BIRC6: variants seen among roughly 807,000 people sequenced by gnomAD.
BIRC6 encodes baculoviral IAP repeat containing 6, also known as dual E2 ubiquitin-conjugating enzyme/E3 ubiquitin-protein ligase BIRC6.
Under a neutral mutation model 503.3 loss-of-function variants are expected in BIRC6, and 98 were observed. That is an observed-to-expected ratio of 0.19 (90% CI 0.17 to 0.23). BIRC6 has a LOEUF of 0.23. BIRC6 is among the 10% of genes least tolerant of loss of function. The pLI is 1.00. For synonymous variants in BIRC6, 2,240 were observed against 2,078.7 expected, an observed-to-expected ratio of 1.08 and a Z score of -2.11; for missense variants, 5,360 against 5,806.0, an observed-to-expected ratio of 0.92 and a Z score of 2.50.
intron 8 of BIRC6, among the ~76,000 whole-genome samples, chr2:32,403,576 A>T (rs1051190299): frequency 1.3e-5 from 2 of 152,190 alleles, no homozygotes; most frequent in Non-Finnish European, 2.9e-5. Flanking sequence ...TATCAGGTCA[A>T]GTTGGTAAAA....
intron 4 of BIRC6, among the ~76,000 whole-genome samples, chr2:32,389,531 T>C (rs1420796215): frequency 6.6e-6 from 1 of 152,218 alleles, no homozygotes; most frequent in African/African-American, 2.4e-5. Context: ...CTATTTTGTT[T>C]AATTAATTAA....
intron 20 of BIRC6, among the ~76,000 whole-genome samples, chr2:32,445,098 C>G (rs1018879410): frequency 4.6e-5 from 7 of 152,186 alleles, no homozygotes; most frequent in African/African-American, 1.7e-4. Flanking sequence ...TTGAAGCTCA[C>G]TGCCATCCAC....
At chr2:32,494,041 T>C (rs989845041) in intron 45 of BIRC6, among the ~76,000 whole-genome samples, 3 of 152,116 alleles carry the variant, frequency 2.0e-5, no homozygotes, top group African/African-American at 7.2e-5. Context: ...TAAAAGAAAA[T>C]TGTATACTAA....
intron 8 of BIRC6, among the ~76,000 whole-genome samples, chr2:32,403,973 G>A (rs550029293): frequency 6.7e-5 from 10 of 149,986 alleles, no homozygotes; most frequent in African/African-American, 2.0e-4. Flanking sequence ...TGTCGCCCAG[G>A]TTAGAGTGCA....
At chr2:32,543,092 G>C in intron 61 of BIRC6, 149 bp from the exon 62 acceptor site, 1 of 917,396 alleles carries the variant, frequency 1.1e-6, no homozygotes, top group Non-Finnish European at 1.6e-6. Flanking sequence ...GAGCCACTGC[G>C]CCCGGCTGGA....
chr2:32,477,735 CAAAAAA>C (rs35168398), intron 35 of BIRC6, among the ~76,000 whole-genome samples, 152 bp downstream of exon 35: 1 of 108,652 alleles, frequency 9.2e-6, no homozygotes, highest in Admixed American at 1.0e-4. Flanking sequence ...CCCGTCTCTA[CAAAAAA>C]AAAAAAAAAA....
At chr2:32,369,945 AATATATATATATATATATATATATAT>A (rs67839399) in intron 1 of BIRC6, among the ~76,000 whole-genome samples, 4 of 44,220 alleles carry the variant, frequency 9.0e-5, no homozygotes, top group Admixed American at 3.2e-4. Context: ...AAAAAAAAAA[AATATATATATATATATATATATATAT>A]ATATATATAT....
At chr2:32,384,505 A>G (rs2038161176) in intron 3 of BIRC6, among the ~76,000 whole-genome samples, 1 of 152,202 alleles carries the variant, frequency 6.6e-6, no homozygotes, top group Non-Finnish European at 1.5e-5. Context: ...TATGGACAGA[A>G]CAGGTAAATG....
intron 43 of BIRC6, among the ~76,000 whole-genome samples, chr2:32,490,732 CT>C (rs1276889633): frequency 2.0e-5 from 3 of 152,074 alleles, no homozygotes; most frequent in East Asian, 1.9e-4. Context: ...TACATTTCAT[CT>C]AAGTTTTTAT....
At chr2:32,422,726 T>C (rs1640651332) in intron 10 of BIRC6, among the ~76,000 whole-genome samples, 2 of 152,232 alleles carry the variant, frequency 1.3e-5, no homozygotes, top group Non-Finnish European at 2.9e-5. Flanking sequence ...TTTGGGGGAC[T>C]TGATTTTCCT....
chr2:32,388,113 G>T (rs983624985), intron 3 of BIRC6, among the ~76,000 whole-genome samples: 2 of 151,984 alleles, frequency 1.3e-5, no homozygotes, highest in East Asian at 1.9e-4. Flanking sequence ...TGGGCCAGGC[G>T]CAGTGGCTCA....
At chr2:32,598,797 C>T (rs2061847758) in intron 69 of BIRC6, among the ~76,000 whole-genome samples, 1 of 151,700 alleles carries the variant, frequency 6.6e-6, no homozygotes, top group African/African-American at 2.4e-5. Context: ...CTGAGGTAGG[C>T]AGATCACTTG....
intron 3 of BIRC6, among the ~76,000 whole-genome samples, chr2:32,388,157 C>T (rs975381148): frequency 4.6e-5 from 7 of 151,774 alleles, no homozygotes; most frequent in South Asian, 2.1e-4. Flanking sequence ...GAGGCAGAGG[C>T]GGACAGATCA....
intron 20 of BIRC6, 132 bp from the exon 21 acceptor site, chr2:32,445,387 TAA>T: frequency 1.1e-6 from 1 of 909,976 alleles, no homozygotes; most frequent in East Asian, 2.9e-5. Context: ...AAATTGCCTA[TAA>T]GATTGTCTTT....
At chr2:32,487,889 T>A (rs1315202374) in intron 41 of BIRC6, 88 bp downstream of exon 41, 6 of 1,085,112 alleles carry the variant, frequency 5.5e-6, no homozygotes, top group Non-Finnish European at 6.7e-6. Context: ...ATTCTAATCC[T>A]GTCAGGGATG....
At chr2:32,568,592 T>A (rs1244713773) in intron 65 of BIRC6, among the ~76,000 whole-genome samples, 1 of 151,904 alleles carries the variant, frequency 6.6e-6, no homozygotes, top group African/African-American at 2.4e-5. Context: ...CGCCTGTAAT[T>A]TCAGCACTTC....
rs377573611 is a variant in BIRC6, at chr2:32,488,660, G to A, written c.8041G>A (p.Ala2681Thr). The A allele has an allele frequency of 6.7e-7, 1 of 1,499,188 alleles. No individual in the cohort carries two copies. Among genetic ancestry groups the A allele is most frequent in the African/African-American group, 1.4e-5 (1 of 71,602 alleles). The allele number at this position is 1,499,188 out of a possible 1,614,324, so 92.9% of individuals were successfully genotyped here. A position where few individuals can be genotyped will look rare whatever the true frequency, so the allele number is the denominator to read the frequency against. Residue 2681 changes from alanine (A) to threonine (T), a missense_variant, in exon 42 of 74, where the codon GCA (alanine) becomes ACA (threonine). Around this residue, in one of 16 missense-constraint regions of BIRC6, gnomAD observed 2,299 missense variants for 2,267.2 expected, o/e 1.01. Coordinates refer to ENST00000421745, the MANE Select transcript of BIRC6 (RefSeq NM_016252.4). ...TTCAACTGGAAACAAAGAAAATGGAGCAGACATATTTTTATATAATGCTAA... is the reference window on the plus strand; with the variant it reads ...TTCAACTGGAAACAAAGAAAATGGAACAGACATATTTTTATATAATGCTAA... ...SSSTGNKENG[A>T]DIFLYNANRI...
chr2:32,495,801 T>TG (rs1405205845), intron 45 of BIRC6, among the ~76,000 whole-genome samples: 1 of 150,084 alleles, frequency 6.7e-6, no homozygotes, highest in East Asian at 1.9e-4. Flanking sequence ...TTTTTTTTTT[T>TG]TTTTTTTTTT....
rs2060719848 is a variant in BIRC6, at chr2:32,582,192, C to T, written c.13355+6826C>T. On this transcript the variant is annotated intron_variant, in intron 66 of 73. Transcript: ENST00000421745. ...AATTTAGATGTAAAAACAGCCAGCT[C>T]TTGGATGTATCATTGAATTTTTAAA... Among the ~76,000 whole-genome samples, 3 of 152,222 alleles carry T rather than the reference C, an allele frequency of 2.0e-5. No homozygotes were observed. The South Asian group carries it at 6.2e-4, about 32-fold the overall frequency.
Sources: gnomAD v4.1 joint callset for allele counts (sites outside exome capture counted in the v4.1 genomes callset) on GRCh38, gnomAD v4.1.1 for gene constraint, gnomAD v4.1.1 regional missense constraint, MANE v1.5 for transcripts, NCBI Gene and HGNC (gene_info 2026-07-23, HGNC 2026-07-21) for gene names.